Variants in SLC6A3 observed in about 807,000 individuals in gnomAD.
SLC6A3 encodes the protein solute carrier family 6 member 3.
A neutral mutation model predicts 70.4 loss-of-function variants in SLC6A3; 19 were observed. The observed-to-expected ratio is 0.27, with a 90% CI of 0.19 to 0.40. The LOEUF (loss-of-function observed/expected upper bound fraction) is 0.40, where lower values mean the gene tolerates loss of function less well. Among genes scored for constraint, SLC6A3 ranks in the 10% least tolerant of loss-of-function variants. SLC6A3 has a pLI of 1.00. For synonymous variants in SLC6A3, 368 were observed against 356.6 expected, an observed-to-expected ratio of 1.03 and a Z score of -0.36; for missense variants, 613 against 838.5, an observed-to-expected ratio of 0.73 and a Z score of 3.32.
At chr5:1,432,238 A>G (rs1756721337) in intron 4 of SLC6A3, among the ~76,000 whole-genome samples, 1 of 151,988 alleles carries the variant, frequency 6.6e-6, no homozygotes, top group Non-Finnish European at 1.5e-5. Context: ...TCAGTGCCCC[A>G]TCCTTGCTGA....
rs762376712 is a variant in SLC6A3, at chr5:1,394,740, C to T, written c.1858G>A (p.Val620Met). ...GGTCTTCGTCTCTGCTCCCTCTACACCTTGAGCCAGTGGCGGAGCTGGAAA... is the reference window on the plus strand; with the variant it reads ...GGTCTTCGTCTCTGCTCCCTCTACATCTTGAGCCAGTGGCGGAGCTGGAAA... ...RQFTLRHWLK[V>M] Residue 620 changes from valine (V) to methionine (M), a missense_variant, in exon 15 of 15, where the codon GTG becomes ATG. Physicochemically the swap from Val to Met is conservative, Grantham distance 21. Transcript: ENST00000270349. This position sits in a 1 kb window ranked among gnomAD's most constrained non-coding sequence, Gnocchi z 4.7. The T allele has an allele frequency of 6.2e-6, 10 of 1,614,174 alleles. No individual in the cohort carries two copies. Among genetic ancestry groups the T allele is most frequent in the Non-Finnish European group, 8.5e-6 (10 of 1,180,018 alleles).
rs995273031 is a variant in SLC6A3, at chr5:1,397,480, G to A, written c.1840-2722C>T. Among the ~76,000 whole-genome samples the A allele has an allele frequency of 8.5e-5, 13 of 152,078 alleles. No homozygotes were observed. Among genetic ancestry groups the A allele is most frequent in the East Asian group, 1.9e-4 (1 of 5,192 alleles). ...CAAACAAAAAAGAAACCCAGGTCCC[G>A]ACACTCCGCAGTGAACCCGAGACAC... On this transcript the variant is annotated intron_variant, in intron 14 of 14. Coordinates refer to ENST00000270349, the MANE Select transcript of SLC6A3 (RefSeq NM_001044.5). This position sits in a 1 kb window ranked among gnomAD's most constrained non-coding sequence, Gnocchi z 4.7.
At chr5:1,418,846 G>A (rs1014718229) in intron 6 of SLC6A3, among the ~76,000 whole-genome samples, 32 of 117,276 alleles carry the variant, frequency 2.7e-4, no homozygotes, top group East Asian at 5.4e-4. Flanking sequence ...CCACCCACCC[G>A]TCATCCATCC....
Position 1,401,676 on chromosome 5 carries a change from C to T in SLC6A3, c.1768-690G>A, listed in dbSNP as rs532396885. Among the ~76,000 whole-genome samples, 2 of 152,280 alleles carry T rather than the reference C, an allele frequency of 1.3e-5. No homozygotes were observed. Among genetic ancestry groups the T allele is most frequent in the South Asian group, 2.1e-4 (1 of 4,828 alleles). On this transcript the variant is annotated intron_variant, in intron 13 of 14. Coordinates refer to ENST00000270349, the MANE Select transcript of SLC6A3 (RefSeq NM_001044.5). The surrounding 1 kb of genome is among the most constrained non-coding windows in gnomAD (Gnocchi z 6.1). ...AGCTGCTGAGGTTTTACTTGGCTTA[C>T]GTTCAGAGTTTGGCCATGCGAGGGG...
rs1314690102 is a variant in SLC6A3 at position 1,422,769 on chromosome 5, C to A, written c.654-755G>T. On this transcript the variant is annotated intron_variant, in intron 4 of 14. Coordinates refer to ENST00000270349, the MANE Select transcript of SLC6A3 (RefSeq NM_001044.5). The stretch of plus-strand genomic sequence containing the variant: ...CCAGTGCTGCCCAAGGTGCTGGGTG[C>A]CCACCGCTGCCCACAGTGCTGCCCA... 2.8e-5 allele frequency among the ~76,000 whole-genome samples: 2 copies of A among 70,374 alleles called. 1 individual carries two copies. 46.2% of individuals were successfully genotyped at this position (70,374 alleles called of 152,430 possible).
At chr5:1,403,922 T>C (rs1023207464) in intron 12 of SLC6A3, among the ~76,000 whole-genome samples, 14 of 152,366 alleles carry the variant, frequency 9.2e-5, no homozygotes, top group African/African-American at 3.1e-4. Flanking sequence ...TGCCTACATA[T>C]GCACCTCACA....
intron 4 of SLC6A3, among the ~76,000 whole-genome samples, chr5:1,423,270 AGTGCTGCCCACG>A (rs150435737): frequency 3.2e-5 from 2 of 61,894 alleles, no homozygotes; most frequent in Admixed American, 1.9e-4. Context: ...TGCTGCCCAC[AGTGCTGCCCACG>A]GTGCTGGGTA....
In SLC6A3 at chr5:1,406,243, C is replaced by T. The variant is rs1236294203; in HGVS notation, c.1544G>A (p.Arg515Gln). 1.9e-5 allele frequency: 31 copies of T among 1,612,904 alleles called. No homozygotes were observed. Among genetic ancestry groups the T allele is most frequent in the Non-Finnish European group, 2.5e-5 (29 of 1,180,008 alleles). Reference protein sequence around the residue: ...SDDIQQMTGQRPSLYWRLCWK... With the variant: ...SDDIQQMTGQQPSLYWRLCWK... ...GCACAGCCGCCAGTACAGGCTGGGCCGCTGCCCGGTCATCTGCTGGATGTC... is the reference window on the plus strand; with the variant it reads ...GCACAGCCGCCAGTACAGGCTGGGCTGCTGCCCGGTCATCTGCTGGATGTC... Residue 515 changes from arginine (R) to glutamine (Q), a missense_variant, in exon 12 of 15, where the codon CGG becomes CAG. Coordinates refer to ENST00000270349, the MANE Select transcript of SLC6A3 (RefSeq NM_001044.5). This position sits in a 1 kb window ranked among gnomAD's most constrained non-coding sequence, Gnocchi z 8.8.
intron 3 of SLC6A3, among the ~76,000 whole-genome samples, chr5:1,432,954 G>T (rs950752370): frequency 6.6e-6 from 1 of 151,908 alleles, no homozygotes; most frequent in African/African-American, 2.4e-5. Context: ...GGACTTTCAG[G>T]GTGTCTCTGA....
rs112306339 is a variant in SLC6A3, at chr5:1,421,119, T to A, written c.793-416A>T. Among the ~76,000 whole-genome samples the A allele has an allele frequency of 0.022, 3,287 of 152,048 alleles. 129 individuals are homozygous for A. The highest frequency in any genetic ancestry group is 0.073 in the African/African-American group (3,030 of 41,418). The stretch of plus-strand genomic sequence containing the variant: ...TGGCTGGTGCCATACTACACGCACT[T>A]TTCCAAGGGAGGAGTCGTATCTTGG... On this transcript the variant is annotated intron_variant, in intron 5 of 14. Coordinates refer to ENST00000270349, the MANE Select transcript of SLC6A3 (RefSeq NM_001044.5). This position sits in a 1 kb window ranked among gnomAD's most constrained non-coding sequence, Gnocchi z 7.2.
At chr5:1,409,156 G>T in intron 10 of SLC6A3, 31 bp from the exon 11 acceptor site, 1 of 1,508,256 alleles carries the variant, frequency 6.6e-7, no homozygotes, top group Non-Finnish European at 9.1e-7. Flanking sequence ...TGGACCTACA[G>T]AAGGGCTTTC....
Position 1,443,036 on chromosome 5 carries a change from G to A in SLC6A3, c.162C>T (p.Pro54=), listed in dbSNP as rs6351. ...AGGTCTCCCGATCCTGGGCCTCCAC[G>A]GGGCTCTGCCGCGGGTTGGTGAGGG... ...SSTLTNPRQS[P]VEAQDRETWG... is the part of the protein sequence containing the mutation. The change falls in exon 2 of 15, where the codon CCC becomes CCT. Residue 54 remains proline, a synonymous_variant. Coordinates refer to ENST00000270349, the MANE Select transcript of SLC6A3 (RefSeq NM_001044.5). 0.01 allele frequency: 16,634 copies of A among 1,614,186 alleles called. 111 individuals are homozygous for A. Among genetic ancestry groups the A allele is most frequent in the Non-Finnish European group, 0.012 (14,352 of 1,180,022 alleles).
At position 1,406,283 on chromosome 5, in the gene SLC6A3, C is replaced by T. The variant is rs776046902; in HGVS notation, c.1504G>A (p.Gly502Arg). Residue 502 changes from glycine to arginine, a missense_variant, in exon 12 of 15, where the codon GGG becomes AGG. Coordinates refer to ENST00000270349, the MANE Select transcript of SLC6A3 (RefSeq NM_001044.5). The surrounding 1 kb of genome is among the most constrained non-coding windows in gnomAD (Gnocchi z 8.8). ...TGCTGGATGTCGTCGCTGAACTGCCCAACACCTGAGGGAGAAGAGGTGGCA... is the reference window on the plus strand; with the variant it reads ...TGCTGGATGTCGTCGCTGAACTGCCTAACACCTGAGGGAGAAGAGGTGGCA... ...AIGVAWFYGVGQFSDDIQQMT... is the reference protein window; with the variant it reads ...AIGVAWFYGVRQFSDDIQQMT... The T allele has an allele frequency of 4.3e-6, 7 of 1,612,650 alleles. No individual in the cohort carries two copies. In the South Asian group the frequency reaches 6.6e-5, roughly 15 times the overall value.
At chr5:1,432,825 A>T (rs2126395237) in intron 3 of SLC6A3, 127 bp from the exon 4 acceptor site, 2 of 715,884 alleles carry the variant, frequency 2.8e-6, no homozygotes, top group South Asian at 3.0e-5. Flanking sequence ...GACAGCCCTG[A>T]TGCCAGACAG....
chr5:1,430,516 A>C (rs1286975159), intron 4 of SLC6A3, among the ~76,000 whole-genome samples: 1 of 152,188 alleles, frequency 6.6e-6, no homozygotes, highest in Admixed American at 6.5e-5. Flanking sequence ...GCCCACCATG[A>C]GAACTGGTCC....
At chr5:1,431,066 G>C (rs984528456) in intron 4 of SLC6A3, among the ~76,000 whole-genome samples, 2 of 149,964 alleles carry the variant, frequency 1.3e-5, no homozygotes, top group Non-Finnish European at 3.0e-5. Context: ...TCGCGCAAAC[G>C]TCCTCTCCTC....
In SLC6A3 at chr5:1,394,555, C is replaced by G. The variant is rs771508882; in HGVS notation, c.*180G>C. ...AACACAAGACACGGCGAGGTGCGCT[C>G]CCGGCACGGAAAGGTGTAAACAGTC... On this transcript the variant is annotated 3_prime_UTR_variant, in exon 15 of 15. Transcript: ENST00000270349. This position sits in a 1 kb window ranked among gnomAD's most constrained non-coding sequence, Gnocchi z 4.7. 230 of 723,524 alleles carry G rather than the reference C, an allele frequency of 3.2e-4. No individual in the cohort carries two copies. Among genetic ancestry groups the G allele is most frequent in the Non-Finnish European group, 5.2e-4 (207 of 397,782 alleles). 44.8% of individuals were successfully genotyped at this position (723,524 alleles called of 1,614,324 possible). A position where few individuals can be genotyped will look rare whatever the true frequency, so the allele number is the denominator to read the frequency against.
chr5:1,435,439 C>T (rs931805566), intron 3 of SLC6A3, among the ~76,000 whole-genome samples: 3 of 152,234 alleles, frequency 2.0e-5, no homozygotes, highest in South Asian at 2.1e-4. Context: ...ATCCAGAGTC[C>T]GAAGGAAGGG....
chr5:1,441,187 T>A (rs1318689798), intron 3 of SLC6A3, among the ~76,000 whole-genome samples, 172 bp downstream of exon 3: 1 of 152,260 alleles, frequency 6.6e-6, no homozygotes, highest in African/African-American at 2.4e-5. Context: ...TATCCAGTCC[T>A]TGTCACTGCA....
Sources: gnomAD v4.1 joint callset for allele counts (sites outside exome capture counted in the v4.1 genomes callset) on GRCh38, gnomAD v4.1.1 for gene constraint, Gnocchi (gnomAD v3.1) non-coding constraint, MANE v1.5 for transcripts, NCBI Gene and HGNC (gene_info 2026-07-23, HGNC 2026-07-21) for gene names.